CHMP2B: variants seen among roughly 807,000 people sequenced by gnomAD.
CHMP2B encodes the protein VPS2 homolog B.
Under a neutral mutation model 29.8 loss-of-function variants are expected in CHMP2B, and 22 were observed. The ratio of observed to expected loss-of-function variants is 0.74; its 90% CI spans 0.53 to 1.05. The LOEUF is 1.05. Among genes scored for constraint, CHMP2B ranks in the 50% least tolerant of loss-of-function variants. The probability of loss-of-function intolerance (pLI) is 0.00; values close to 1 mark genes in which losing one functional copy is unlikely to be tolerated. For synonymous variants in CHMP2B, 78 were observed against 75.8 expected, an observed-to-expected ratio of 1.03 and a Z score of -0.15; for missense variants, 261 against 252.2, an observed-to-expected ratio of 1.03 and a Z score of -0.24.
At chr3:87,230,533 C>T (rs1163785964) in intron 1 of CHMP2B, among the ~76,000 whole-genome samples, 3 of 152,090 alleles carry the variant, frequency 2.0e-5, no homozygotes, top group Non-Finnish European at 4.4e-5. Context: ...TGGTAGATAC[C>T]ATGCAACGTT....
chr3:87,233,697 C>T (rs1705946240), intron 1 of CHMP2B, among the ~76,000 whole-genome samples: 1 of 152,092 alleles, frequency 6.6e-6, no homozygotes, highest in East Asian at 1.9e-4. Flanking sequence ...TAGAAGCTAC[C>T]TCTTCCCTGG....
At chr3:87,230,529 A>G (rs1705888836) in intron 1 of CHMP2B, among the ~76,000 whole-genome samples, 1 of 152,164 alleles carries the variant, frequency 6.6e-6, no homozygotes, top group Non-Finnish European at 1.5e-5. Flanking sequence ...CTTTTGGTAG[A>G]TACCATGCAA....
At chr3:87,229,537 C>G (rs1454077548) in intron 1 of CHMP2B, among the ~76,000 whole-genome samples, 1 of 151,924 alleles carries the variant, frequency 6.6e-6, no homozygotes, top group East Asian at 1.9e-4. Flanking sequence ...TAGAGCTTTA[C>G]TTTTTTTATT....
intron 2 of CHMP2B, among the ~76,000 whole-genome samples, chr3:87,241,102 A>G (rs1329436876): frequency 2.6e-5 from 4 of 152,324 alleles, no homozygotes; most frequent in Non-Finnish European, 5.9e-5. Context: ...GGAAGATGAA[A>G]TAGTCATGGA....
At chr3:87,245,466 G>A (rs1706194159) in intron 2 of CHMP2B, among the ~76,000 whole-genome samples, 1 of 146,720 alleles carries the variant, frequency 6.8e-6, no homozygotes, top group Admixed American at 6.8e-5. Context: ...CTCTACATGT[G>A]CACTGTTTTG....
chr3:87,238,789 A>C (rs533069433), intron 1 of CHMP2B, among the ~76,000 whole-genome samples: 1 of 152,258 alleles, frequency 6.6e-6, no homozygotes, highest in South Asian at 2.1e-4. Flanking sequence ...TTGAATACTT[A>C]TTTCACTTCT....
At chr3:87,239,694 T>A (rs1050699201) in intron 1 of CHMP2B, among the ~76,000 whole-genome samples, 18 of 152,134 alleles carry the variant, frequency 1.2e-4, no homozygotes, top group African/African-American at 4.3e-4. Flanking sequence ...TTTTCTTAAT[T>A]AAAAAATACT....
intron 2 of CHMP2B, among the ~76,000 whole-genome samples, chr3:87,243,386 G>GT (rs554464106): frequency 9.9e-5 from 15 of 151,418 alleles, no homozygotes; most frequent in South Asian, 2.1e-4. Flanking sequence ...TGTGTGGTGG[G>GT]TTTTTTTTGT....
intron 1 of CHMP2B, among the ~76,000 whole-genome samples, chr3:87,238,831 C>CA (rs1706064178): frequency 2.0e-5 from 3 of 152,120 alleles, no homozygotes; most frequent in Admixed American, 2.0e-4. Flanking sequence ...CTAGGTCATA[C>CA]AGTAATTTGA....
intron 1 of CHMP2B, among the ~76,000 whole-genome samples, chr3:87,236,573 C>T (rs1047089306): frequency 3.9e-5 from 6 of 152,026 alleles, no homozygotes; most frequent in South Asian, 2.1e-4. Flanking sequence ...TCATCACCAC[C>T]GAGCATGGTG....
Position 87,227,380 on chromosome 3 carries a change from C to T in CHMP2B, c.-143C>T. On this transcript the variant is annotated 5_prime_UTR_variant, in exon 1 of 6. Coordinates refer to ENST00000263780, the MANE Select transcript of CHMP2B (RefSeq NM_014043.4). ...TGCGGATACAAGCCTTCCGCGGGTCCTGCCTGGCGACCCCGACCTCCTCCT... is the reference window on the plus strand; with the variant it reads ...TGCGGATACAAGCCTTCCGCGGGTCTTGCCTGGCGACCCCGACCTCCTCCT... 1.1e-6 allele frequency: 1 copy of T among 874,374 alleles called. No homozygotes were observed. Among genetic ancestry groups the T allele is most frequent in the Admixed American group, 2.0e-5 (1 of 50,660 alleles). The allele number at this position is 874,374 out of a possible 1,614,324, so 54.2% of individuals were successfully genotyped here. A position where few individuals can be genotyped will look rare whatever the true frequency, so the allele number is the denominator to read the frequency against.
At chr3:87,241,816 TC>T (rs1053704074) in intron 2 of CHMP2B, among the ~76,000 whole-genome samples, 3 of 152,138 alleles carry the variant, frequency 2.0e-5, no homozygotes, top group African/African-American at 7.2e-5. Flanking sequence ...TTGGGTATAT[TC>T]CTGAGAGTGA....
chr3:87,245,696 G>A lies in CHMP2B; in HGVS notation c.127-18G>A, dbSNP rs894786074. Reference sequence around the variant, plus strand: ...CCCTTTAATAATTTTATTTTCTTTTGTTTGTTTCTTCTCTTAGGAATTAGA... The same window carrying A: ...CCCTTTAATAATTTTATTTTCTTTTATTTGTTTCTTCTCTTAGGAATTAGA... On this transcript the variant is annotated intron_variant, in intron 2 of 5. Transcript: ENST00000263780. The A allele has an allele frequency of 4.4e-6, 7 of 1,597,940 alleles. No individual in the cohort carries two copies. Among genetic ancestry groups the A allele is most frequent in the South Asian group, 1.1e-5 (1 of 90,376 alleles).
chr3:87,235,205 A>G (rs1705979778), intron 1 of CHMP2B, among the ~76,000 whole-genome samples: 1 of 152,240 alleles, frequency 6.6e-6, no homozygotes, highest in African/African-American at 2.4e-5. Flanking sequence ...AAATAAATCT[A>G]GTGGATAATA....
intron 1 of CHMP2B, among the ~76,000 whole-genome samples, chr3:87,229,514 C>T (rs924119907): frequency 6.6e-6 from 1 of 151,956 alleles, no homozygotes; most frequent in Admixed American, 6.5e-5. Context: ...TCTGTATTTT[C>T]GTTATTTTGA....
chr3:87,244,475 G>A (rs1706177988), intron 2 of CHMP2B, among the ~76,000 whole-genome samples: 1 of 151,382 alleles, frequency 6.6e-6, no homozygotes, highest in South Asian at 2.1e-4. Flanking sequence ...CTTCAATGCT[G>A]TAAACTCTTC....
At chr3:87,238,665 T>C (rs1338503450) in intron 1 of CHMP2B, among the ~76,000 whole-genome samples, 1 of 152,214 alleles carries the variant, frequency 6.6e-6, no homozygotes, top group African/African-American at 2.4e-5. Flanking sequence ...GATACTCCAT[T>C]GTATTTATAT....
intron 3 of CHMP2B, among the ~76,000 whole-genome samples, chr3:87,248,519 G>C (rs1706258184): frequency 6.6e-6 from 1 of 151,630 alleles, no homozygotes; most frequent in African/African-American, 2.4e-5. Flanking sequence ...ACCATGCCTG[G>C]CTAATTTTTG....
chr3:87,240,661 C>T, intron 1 of CHMP2B, 38 bp from the exon 2 acceptor site: 1 of 1,368,288 alleles, frequency 7.3e-7, no homozygotes, highest in Non-Finnish European at 1.0e-6. Context: ...GAAAATTTTA[C>T]AACCCATAAA....
Sources: gnomAD v4.1 joint callset for allele counts (sites outside exome capture counted in the v4.1 genomes callset) on GRCh38, gnomAD v4.1.1 for gene constraint, MANE v1.5 for transcripts, NCBI Gene and HGNC (gene_info 2026-07-23, HGNC 2026-07-21) for gene names.